The following ZP1 variants were observed in gnomAD, a reference collection of about 807,000 sequenced individuals.
ZP1 encodes the protein zona pellucida sperm-binding protein 1.
ZP1 carries 58 observed loss-of-function variants against 67.4 expected under a neutral mutation model. The ratio of observed to expected loss-of-function variants is 0.86; its 90% confidence interval spans 0.70 to 1.07. The LOEUF (loss-of-function observed/expected upper bound fraction) is 1.07, where lower values mean the gene tolerates loss of function less well. Among genes scored for constraint, ZP1 ranks in the 50% least tolerant of loss-of-function variants. ZP1 has a pLI of 0.00. For synonymous variants in ZP1, 333 were observed against 332.7 expected, an observed-to-expected ratio of 1.00 and a Z score of -0.01; for missense variants, 759 against 807.3, an observed-to-expected ratio of 0.94 and a Z score of 0.72.
rs200866119 is a variant in ZP1, at chr11:60,875,179, A to C, written c.1705A>C (p.Ile569Leu). 4 of 1,613,884 alleles carry C rather than the reference A, an allele frequency of 2.5e-6. No homozygotes were observed. In the Admixed American group the frequency reaches 6.7e-5, roughly 27 times the overall value. Residue 569 changes from isoleucine to leucine, a missense_variant, in exon 11 of 12, where the codon ATC (isoleucine) becomes CTC (leucine). Physicochemically the swap from Ile to Leu is conservative, Grantham distance 5. Coordinates refer to ENST00000278853, the MANE Select transcript of ZP1 (RefSeq NM_207341.4). ...TAATGACACTGCCAGGCCCCAGGAC[A>C]TCGTGAGCTCTCCGGGGCCAGTGGG... is the stretch of plus-strand genomic sequence containing the variant. ...HRNDTARPQDIVSSPGPVGFE... is the reference protein window; with the variant it reads ...HRNDTARPQDLVSSPGPVGFE...
Position 60,875,165 on chromosome 11 carries a change from C to T in ZP1, c.1691C>T (p.Ala564Val). Residue 564 changes from alanine to valine, a missense_variant, in exon 11 of 12, where the codon GCC becomes GTC. Transcript: ENST00000278853. ...RRSSGHRNDT[A>V]RPQDIVSSPG... ...TCCTCAGGTCACCGTAATGACACTG[C>T]CAGGCCCCAGGACATCGTGAGCTCT... 3.1e-6 allele frequency: 5 copies of T among 1,613,900 alleles called. No individual in the cohort carries two copies. Among genetic ancestry groups the T allele is most frequent in the Non-Finnish European group, 4.2e-6 (5 of 1,180,036 alleles).
chr11:60,873,764 C>G lies in ZP1; in HGVS notation c.1561C>G (p.Leu521Val). Reference protein sequence around the residue: ...ALLDSGSQRALRGLVYLFCST... With the variant: ...ALLDSGSQRAVRGLVYLFCST... Reference sequence around the variant, plus strand: ...CCTGGACTCAGGCTCCCAGAGAGCCCTCAGAGGACTGGTAAGAAGCCCCGG... The same window carrying G: ...CCTGGACTCAGGCTCCCAGAGAGCCGTCAGAGGACTGGTAAGAAGCCCCGG... The change falls in exon 9 of 12, where the codon CTC (leucine) becomes GTC (valine). Residue 521 changes from leucine to valine, a missense_variant. Physicochemically the swap from Leu to Val is conservative, Grantham distance 32. Transcript: ENST00000278853. 2 of 1,613,940 alleles carry G rather than the reference C, an allele frequency of 1.2e-6. No individual in the cohort carries two copies. Among genetic ancestry groups the G allele is most frequent in the Non-Finnish European group, 1.7e-6 (2 of 1,180,020 alleles).
Position 60,873,274 on chromosome 11 carries a change from C to A in ZP1, c.1225C>A (p.Leu409Met). Reference sequence around the variant, plus strand: ...CCAGCCCGGCCCCCTGCGGCTTGAGCTGCGGATTGCCAAAGGTATGCTATG... The same window carrying A: ...CCAGCCCGGCCCCCTGCGGCTTGAGATGCGGATTGCCAAAGGTATGCTATG... ...MTQPGPLRLELRIAKDETFSS... is the reference protein window; with the variant it reads ...MTQPGPLRLEMRIAKDETFSS... The change falls in exon 7 of 12, where the codon CTG becomes ATG. Residue 409 changes from leucine to methionine, a missense_variant. Leu to Met is a conservative substitution (Grantham distance 15, BLOSUM62 2). Transcript: ENST00000278853. 1 of 1,584,306 alleles carries A rather than the reference C, an allele frequency of 6.3e-7. No homozygotes were observed. The highest frequency in any genetic ancestry group is 8.6e-7 in the Non-Finnish European group (1 of 1,162,458).
At chr11:60,874,482 T>C (rs1855659403) in intron 9 of ZP1, among the ~76,000 whole-genome samples, 1 of 151,990 alleles carries the variant, frequency 6.6e-6, no homozygotes, top group Non-Finnish European at 1.5e-5. Flanking sequence ...TCTCCAGGGG[T>C]CACAAAGGGA....
intron 6 of ZP1, among the ~76,000 whole-genome samples, chr11:60,872,926 G>C (rs1256261267): frequency 2.0e-5 from 3 of 152,194 alleles, no homozygotes; most frequent in African/African-American, 7.2e-5. Flanking sequence ...ACCAGGTGCA[G>C]GGCCTGGCAT....
rs1438995901 is a variant in ZP1 at position 60,873,224 on chromosome 11, C to T, written c.1175C>T (p.Pro392Leu). ...DFLPIQASIF[P>L]PPSPAPMTQP... The stretch of plus-strand genomic sequence containing the variant: ...CTGCCCATTCAGGCATCCATTTTCC[C>T]ACCCCCATCGCCTGCTCCTATGACC... Residue 392 changes from proline (P) to leucine (L), a missense_variant, in exon 7 of 12, where the codon CCA (proline) becomes CTA (leucine). Pro to Leu is a moderately conservative substitution (Grantham distance 98). Transcript: ENST00000278853. The T allele has an allele frequency of 1.9e-6, 3 of 1,607,530 alleles. No homozygotes were observed. Among genetic ancestry groups the T allele is most frequent in the African/African-American group, 2.7e-5 (2 of 74,752 alleles).
At chr11:60,873,918 GCGGGCTT>G (rs1855646160) in intron 9 of ZP1, 143 bp downstream of exon 9, 1 of 1,158,040 alleles carries the variant, frequency 8.6e-7, no homozygotes, top group African/African-American at 1.5e-5. Context: ...ATGGAAAGCA[GCGGGCTT>G]CGGGTCAGCA....
At chr11:60,868,267 G>A (rs1055745326) in intron 1 of ZP1, among the ~76,000 whole-genome samples, 8 of 152,096 alleles carry the variant, frequency 5.3e-5, no homozygotes, top group African/African-American at 1.9e-4. Context: ...GGCTGGTCTC[G>A]AACTCCTGAC....
Position 60,875,121 on chromosome 11 carries a change from C to T in ZP1, c.1655-8C>T. The stretch of plus-strand genomic sequence containing the variant: ...ACCAGCCCAAGATTTCATTCTTCCC[C>T]TGGGCAGGACAGCGACGATCCTCAG... On this transcript the variant is annotated splice_polypyrimidine_tract_variant and splice_region_variant and intron_variant, in intron 10 of 11. Transcript: ENST00000278853. 6.2e-7 allele frequency: 1 copy of T among 1,613,784 alleles called. No individual in the cohort carries two copies. Among genetic ancestry groups the T allele is most frequent in the East Asian group, 2.2e-5 (1 of 44,880 alleles).
At position 60,873,567 on chromosome 11, in the gene ZP1, G is replaced by A. The variant is rs1036161251; in HGVS notation, c.1430+3G>A. 1 of 1,612,894 alleles carries A rather than the reference G, an allele frequency of 6.2e-7. No individual in the cohort carries two copies. Among genetic ancestry groups the A allele is most frequent in the Non-Finnish European group, 8.5e-7 (1 of 1,179,214 alleles). ...CAGTGGCCCATCCTGTCAGACGGGTGAGTGCCCCCACACTCCCCCCACCTG... is the reference window on the plus strand; with the variant it reads ...CAGTGGCCCATCCTGTCAGACGGGTAAGTGCCCCCACACTCCCCCCACCTG... On this transcript the variant is annotated splice_donor_region_variant and intron_variant, in intron 8 of 11. Transcript: ENST00000278853.
Position 60,869,411 on chromosome 11 carries a change from T to C in ZP1, c.319-126T>C. 2.0e-6 allele frequency: 3 copies of C among 1,496,156 alleles called. No individual in the cohort carries two copies. In the South Asian group the frequency reaches 4.1e-5, roughly 20 times the overall value. The allele number at this position is 1,496,156 out of a possible 1,614,324, so 92.7% of individuals were successfully genotyped here. A position where few individuals can be genotyped will look rare whatever the true frequency, so the allele number is the denominator to read the frequency against. On this transcript the variant is annotated intron_variant, in intron 2 of 11. Transcript: ENST00000278853. ...AGGGAAACTAAGCTCTGGAAGGTAC[T>C]TTCTGGAATCCACCATGAATCCAGC...
rs765516163 is a variant in ZP1, at chr11:60,873,702, CG to C, written c.1500del (p.His501ThrfsTer70). 29 of 1,614,060 alleles carry C rather than the reference CG, an allele frequency of 1.8e-5. No individual in the cohort carries two copies. In the South Asian group the frequency reaches 2.0e-4, roughly 11 times the overall value. On this transcript the variant is annotated frameshift_variant, in exon 9 of 12. Coordinates refer to ENST00000278853, the MANE Select transcript of ZP1 (RefSeq NM_207341.4). LOFTEE classifies it high-confidence loss of function. ...TTGGACGGGGCCACACCTTTCCAGTCGCACTACCAGCGATTCACTGTTGCTA... is the reference window on the plus strand; with the variant it reads ...TTGGACGGGGCCACACCTTTCCAGTCCACTACCAGCGATTCACTGTTGCTA... Reference protein sequence around the residue: ...VALDGATPFQSHYQRFTVATF... With the variant: ...VALDGATPFQXHYQRFTVATF...
Position 60,869,362 on chromosome 11 carries a change from G to A in ZP1, c.318+96G>A, listed in dbSNP as rs548582943. ...CATGAACCAGAAAGGAGCCAAAGCCGAAGATCTGTTGAGCTGGTGGGTGAG... is the reference window on the plus strand; with the variant it reads ...CATGAACCAGAAAGGAGCCAAAGCCAAAGATCTGTTGAGCTGGTGGGTGAG... On this transcript the variant is annotated intron_variant, in intron 2 of 11. Coordinates refer to ENST00000278853, the MANE Select transcript of ZP1 (RefSeq NM_207341.4). 2.7e-5 allele frequency: 42 copies of A among 1,555,298 alleles called. No individual in the cohort carries two copies. The Admixed American group carries it at 4.6e-4, about 17-fold the overall frequency.
At position 60,867,630 on chromosome 11, in the gene ZP1, G is replaced by C; in HGVS notation, c.69G>C (p.Gly23=). ...VALLLLVATL[G]LGRWLQPDPG... is the part of the protein sequence containing the mutation. ...TGCTACTGCTGGTTGCCACCCTGGGGCTGGGTAGGTGGCTCCAGCCCGACC... is the reference window on the plus strand; with the variant it reads ...TGCTACTGCTGGTTGCCACCCTGGGCCTGGGTAGGTGGCTCCAGCCCGACC... Residue 23 remains glycine, a synonymous_variant, in exon 1 of 12, where the codon GGG becomes GGC. Transcript: ENST00000278853. The C allele has an allele frequency of 6.2e-7, 1 of 1,613,868 alleles. No individual in the cohort carries two copies. The highest frequency in any genetic ancestry group is 8.5e-7 in the Non-Finnish European group (1 of 1,179,872).
intron 1 of ZP1, among the ~76,000 whole-genome samples, chr11:60,868,546 T>C (rs1490794225): frequency 6.6e-6 from 1 of 152,140 alleles, no homozygotes; most frequent in Admixed American, 6.5e-5. Flanking sequence ...GTGGGGAAGA[T>C]GAACCTGGCC....
chr11:60,873,794 C>G lies in ZP1; in HGVS notation c.1572+19C>G. The G allele has an allele frequency of 6.2e-7, 1 of 1,612,514 alleles. No homozygotes were observed. Among genetic ancestry groups the G allele is most frequent in the Non-Finnish European group, 8.5e-7 (1 of 1,179,988 alleles). Reference sequence around the variant, plus strand: ...AGGACTGGTAAGAAGCCCCGGCTGCCGCATGCCTGGTCCCATCTGTTAAGT... The same window carrying G: ...AGGACTGGTAAGAAGCCCCGGCTGCGGCATGCCTGGTCCCATCTGTTAAGT... On this transcript the variant is annotated intron_variant, in intron 9 of 11. Transcript: ENST00000278853.
At position 60,873,650 on chromosome 11, in the gene ZP1, G is replaced by A. The variant is rs1432699935; in HGVS notation, c.1447G>A (p.Asp483Asn). Residue 483 changes from aspartate (D) to asparagine (N), a missense_variant, in exon 9 of 12, where the codon GAC becomes AAC. Coordinates refer to ENST00000278853, the MANE Select transcript of ZP1 (RefSeq NM_207341.4). ...ILSDGCPFKGDSYRTQMVALD... is the reference protein window; with the variant it reads ...ILSDGCPFKGNSYRTQMVALD... Reference sequence around the variant, plus strand: ...TCTTCTCAGATGCCCTTTCAAGGGCGACAGCTACAGAACCCAAATGGTAGC... The same window carrying A: ...TCTTCTCAGATGCCCTTTCAAGGGCAACAGCTACAGAACCCAAATGGTAGC... 1.2e-6 allele frequency: 2 copies of A among 1,614,150 alleles called. No individual in the cohort carries two copies. The highest frequency in any genetic ancestry group is 1.7e-6 in the Non-Finnish European group (2 of 1,180,038).
At position 60,869,755 on chromosome 11, in the gene ZP1, T is replaced by C; in HGVS notation, c.537T>C (p.Phe179=). 1 of 1,614,038 alleles carries C rather than the reference T, an allele frequency of 6.2e-7. No homozygotes were observed. Among genetic ancestry groups the C allele is most frequent in the South Asian group, 1.1e-5 (1 of 91,054 alleles). The change falls in exon 3 of 12, where the codon TTT becomes TTC. Residue 179 remains phenylalanine, a synonymous_variant. Transcript: ENST00000278853. ...GHTSQGSGHA[F]PSPLDPGHSS... ...CCTCCCAAGGCTCTGGCCATGCCTTTCCCAGCCCACTGGACCCAGGGCACA... is the reference window on the plus strand; with the variant it reads ...CCTCCCAAGGCTCTGGCCATGCCTTCCCCAGCCCACTGGACCCAGGGCACA...
rs866758452 is a variant in ZP1, at chr11:60,874,932, G to A, written c.1573-1G>A. On this transcript the variant is annotated splice_acceptor_variant, in intron 9 of 11. Coordinates refer to ENST00000278853, the MANE Select transcript of ZP1 (RefSeq NM_207341.4). LOFTEE classifies it high-confidence loss of function. ...CTTTGATGTTCTTCTCCTTCCACCA[G>A]GTTTACTTGTTCTGCAGCACCTCTG... is the stretch of plus-strand genomic sequence containing the variant. The A allele has an allele frequency of 1.2e-6, 2 of 1,614,190 alleles. No homozygotes were observed. Among genetic ancestry groups the A allele is most frequent in the Non-Finnish European group, 1.7e-6 (2 of 1,180,038 alleles).
Sources: allele counts gnomAD v4.1 joint callset (sites outside exome capture counted in the v4.1 genomes callset), GRCh38; gene constraint gnomAD v4.1.1; transcripts MANE v1.5; gene names NCBI Gene and HGNC (gene_info 2026-07-23, HGNC 2026-07-21).